PPP1R16B: variants seen among roughly 807,000 people sequenced by gnomAD.
PPP1R16B encodes the protein protein phosphatase 1 regulatory subunit 16B.
A neutral mutation model predicts 61.7 loss-of-function variants in PPP1R16B; 14 were observed. The ratio of observed to expected loss-of-function variants is 0.23; its 90% CI spans 0.15 to 0.35. The LOEUF (loss-of-function observed/expected upper bound fraction) is 0.35, where lower values mean the gene tolerates loss of function less well. Ranked by LOEUF, PPP1R16B falls within the 10% of genes least tolerant of loss-of-function variation. PPP1R16B has a pLI of 1.00. For synonymous variants in PPP1R16B, 266 were observed against 305.3 expected (o/e 0.87, Z 1.34); for missense variants, 547 against 752.5 (o/e 0.73, Z 3.19).
At chr20:38,855,014 C>A (rs539964662) in intron 2 of PPP1R16B, among the ~76,000 whole-genome samples, 1 of 152,074 alleles carries the variant, frequency 6.6e-6, no homozygotes, top group Non-Finnish European at 1.5e-5. Context: ...TTTTTTGCAG[C>A]AATTTTCATT....
At chr20:38,835,716 T>C (rs2084864836) in intron 1 of PPP1R16B, 109 bp from the exon 2 acceptor site, 1 of 585,076 alleles carries the variant, frequency 1.7e-6, no homozygotes, top group Non-Finnish European at 2.9e-6. Flanking sequence ...TGAGGAGCAA[T>C]GGAAGGAAAA....
intron 10 of PPP1R16B, among the ~76,000 whole-genome samples, chr20:38,911,297 G>C (rs1372851120): frequency 1.3e-5 from 2 of 150,892 alleles, no homozygotes; most frequent in Non-Finnish European, 2.9e-5. Flanking sequence ...CTCCCTAGTA[G>C]CTGGGACTAT....
chr20:38,892,207 A>T (rs966353924), intron 3 of PPP1R16B, among the ~76,000 whole-genome samples: 4 of 152,056 alleles, frequency 2.6e-5, no homozygotes, highest in African/African-American at 9.7e-5. Context: ...GCTTGCAATG[A>T]ACTCTCAAGT....
chr20:38,833,110 A>G (rs1013450216), intron 1 of PPP1R16B, among the ~76,000 whole-genome samples: 1 of 152,210 alleles, frequency 6.6e-6, no homozygotes, highest in Non-Finnish European at 1.5e-5. Flanking sequence ...AAAATGGAAT[A>G]CTACCCAGCA....
intron 2 of PPP1R16B, among the ~76,000 whole-genome samples, chr20:38,840,598 C>T (rs140931300): frequency 2.0e-5 from 3 of 152,342 alleles, no homozygotes; most frequent in African/African-American, 4.8e-5. Flanking sequence ...TCCTGTAACC[C>T]TCAGCTTTGA....
At chr20:38,866,621 G>A (rs13041841) in intron 2 of PPP1R16B, among the ~76,000 whole-genome samples, 3,196 of 152,254 alleles carry the variant, frequency 0.021, 49 homozygotes, top group Non-Finnish European at 0.034. Flanking sequence ...GATACAGCCC[G>A]CCATGCAGGA....
chr20:38,852,825 G>A (rs1424742840), intron 2 of PPP1R16B, among the ~76,000 whole-genome samples: 2 of 147,884 alleles, frequency 1.4e-5, no homozygotes, highest in East Asian at 4.0e-4. Flanking sequence ...CCAGGCTGGA[G>A]TGCAGTGGCA....
intron 1 of PPP1R16B, among the ~76,000 whole-genome samples, chr20:38,827,723 A>G (rs1474041344): frequency 6.6e-6 from 1 of 152,138 alleles, no homozygotes; most frequent in Non-Finnish European, 1.5e-5. Flanking sequence ...TTGATTTCTA[A>G]TTCAGGTATT....
At chr20:38,888,716 T>C (rs554997331) in intron 2 of PPP1R16B, among the ~76,000 whole-genome samples, 14 of 152,046 alleles carry the variant, frequency 9.2e-5, no homozygotes, top group Non-Finnish European at 2.1e-4. Flanking sequence ...TCTCTCCCTT[T>C]GCACGTGGGT....
chr20:38,849,791 C>T (rs78307862), intron 2 of PPP1R16B, among the ~76,000 whole-genome samples: 3,884 of 152,160 alleles, frequency 0.026, 85 homozygotes, highest in Admixed American at 0.07. Flanking sequence ...CTAATCAGCA[C>T]TCAGATCATG....
rs2084661386 is a variant in PPP1R16B at position 38,806,378 on chromosome 20, C to T, written c.-102+586C>T. On this transcript the variant is annotated intron_variant, in intron 1 of 10. Coordinates refer to ENST00000299824, the MANE Select transcript of PPP1R16B (RefSeq NM_015568.4). The surrounding 1 kb of genome is among the most constrained non-coding windows in gnomAD (Gnocchi z 4.5). ...CCCCGCCTCAGGATCCGGCTGACAG[C>T]ACCAGCCAGCCCGGGGAGACCCCGC... 1.3e-5 allele frequency among the ~76,000 whole-genome samples: 2 copies of T among 152,152 alleles called. No individual in the cohort carries two copies. The highest frequency in any genetic ancestry group is 4.8e-5 in the African/African-American group (2 of 41,530).
chr20:38,921,842 C>T lies in PPP1R16B; in HGVS notation c.*3176C>T, dbSNP rs192387444. 2.1e-4 allele frequency: 32 copies of T among 152,358 alleles called. No individual in the cohort carries two copies. Among genetic ancestry groups the T allele is most frequent in the African/African-American group, 7.0e-4 (29 of 41,582 alleles). 9.4% of individuals were successfully genotyped at this position (152,358 alleles called of 1,614,324 possible). A position where few individuals can be genotyped will look rare whatever the true frequency, so the allele number is the denominator to read the frequency against. On this transcript the variant is annotated 3_prime_UTR_variant, in exon 11 of 11. Coordinates refer to ENST00000299824, the MANE Select transcript of PPP1R16B (RefSeq NM_015568.4). ...TAATGGATAATGGGAGGAAAAGTTGCTGCTTCCTTCAGCATCAAAGCCTTT... is the reference window on the plus strand; with the variant it reads ...TAATGGATAATGGGAGGAAAAGTTGTTGCTTCCTTCAGCATCAAAGCCTTT...
At chr20:38,824,971 G>A (rs1234149131) in intron 1 of PPP1R16B, among the ~76,000 whole-genome samples, 1 of 152,240 alleles carries the variant, frequency 6.6e-6, no homozygotes, top group Non-Finnish European at 1.5e-5. Context: ...TCCAGCCTGG[G>A]CAACAGAGTG....
chr20:38,904,402 C>T (rs74668701), intron 6 of PPP1R16B, among the ~76,000 whole-genome samples: 20,145 of 152,226 alleles, frequency 0.13, 1,422 homozygotes, highest in Middle Eastern at 0.19. Context: ...CACAGTGTTG[C>T]TGGGAGCATT....
At chr20:38,815,296 A>T (rs2145704974) in intron 1 of PPP1R16B, among the ~76,000 whole-genome samples, 2 of 152,248 alleles carry the variant, frequency 1.3e-5, no homozygotes, top group Admixed American at 1.3e-4. Context: ...CTCTCCTGAG[A>T]TCTTCTTTTT....
chr20:38,919,832 GC>G lies in PPP1R16B; in HGVS notation c.*1168del, dbSNP rs1433578678. Reference sequence around the variant, plus strand: ...TGTCAGAGCAAGCAATTAGGGGCCAGCCTGCCTCCACCTCCCACCCCCTTCC... The same window carrying G: ...TGTCAGAGCAAGCAATTAGGGGCCAGCTGCCTCCACCTCCCACCCCCTTCC... On this transcript the variant is annotated 3_prime_UTR_variant, in exon 11 of 11. Transcript: ENST00000299824. 1 of 152,518 alleles carries G rather than the reference GC, an allele frequency of 6.6e-6. No homozygotes were observed. Among genetic ancestry groups the G allele is most frequent in the Non-Finnish European group, 1.5e-5 (1 of 68,272 alleles). The allele number at this position is 152,518 out of a possible 1,614,324, so 9.4% of individuals were successfully genotyped here. A position where few individuals can be genotyped will look rare whatever the true frequency, so the allele number is the denominator to read the frequency against.
Position 38,918,373 on chromosome 20 carries a change from A to T in PPP1R16B, c.1411A>T (p.Ser471Cys), listed in dbSNP as rs2085560307. Residue 471 changes from serine (S) to cysteine (C), a missense_variant, in exon 11 of 11, where the codon AGC (serine) becomes TGC (cysteine). Ser to Cys is a moderately radical substitution (Grantham distance 112). Transcript: ENST00000299824. This position sits in a 1 kb window ranked among gnomAD's most constrained non-coding sequence, Gnocchi z 5.3. ...GGCCGACGCCACCCCGCCCTGGAGC[A>T]GCTACAAGGAACAGAGCCCTCAGAC... Reference protein sequence around the residue: ...GVADATPPWSSYKEQSPQTLL... With the variant: ...GVADATPPWSCYKEQSPQTLL... 2.5e-6 allele frequency: 4 copies of T among 1,614,148 alleles called. No individual in the cohort carries two copies. The East Asian group carries it at 8.9e-5, about 36-fold the overall frequency.
chr20:38,877,964 T>G (rs986655293), intron 2 of PPP1R16B, among the ~76,000 whole-genome samples: 2 of 148,448 alleles, frequency 1.3e-5, no homozygotes, highest in Admixed American at 6.7e-5. Flanking sequence ...TTTTTTTTTT[T>G]TTTTTTTTTT....
intron 4 of PPP1R16B, 102 bp downstream of exon 4, chr20:38,895,812 CCCTTCCTCCTTCCT>C (rs1568678750): frequency 2.9e-5 from 32 of 1,096,686 alleles, no homozygotes; most frequent in African/African-American, 5.0e-5. Flanking sequence ...TTTCTCTCCT[CCCTTCCTCCTTCCT>C]TCTTTCTCTC....
Sources: gnomAD v4.1 joint callset for allele counts (sites outside exome capture counted in the v4.1 genomes callset) on GRCh38, gnomAD v4.1.1 for gene constraint, Gnocchi (gnomAD v3.1) non-coding constraint, MANE v1.5 for transcripts, NCBI Gene and HGNC (gene_info 2026-07-23, HGNC 2026-07-21) for gene names.